The following SYN2 variants were observed in gnomAD, a reference collection of about 807,000 sequenced individuals.
SYN2 encodes the protein synapsin-2.
In SYN2, 19 loss-of-function variants were observed where a neutral mutation model predicts 50.9. The ratio of observed to expected loss-of-function variants is 0.37; its 90% confidence interval spans 0.26 to 0.55. The LOEUF (loss-of-function observed/expected upper bound fraction) is 0.55, where lower values mean the gene tolerates loss of function less well. SYN2 is among the 20% of genes least tolerant of loss of function. The probability of loss-of-function intolerance (pLI) is 0.81; values close to 1 mark genes in which losing one functional copy is unlikely to be tolerated. For synonymous variants in SYN2, 255 were observed against 224.9 expected, an observed-to-expected ratio of 1.13 and a Z score of -1.20; for missense variants, 587 against 576.4, an observed-to-expected ratio of 1.02 and a Z score of -0.19.
chr3:12,069,325 T>G (rs193089971), intron 1 of SYN2, among the ~76,000 whole-genome samples: 2 of 151,940 alleles, frequency 1.3e-5, no homozygotes, highest in East Asian at 3.9e-4. Context: ...CTCAGCTCAC[T>G]GCAACCTCCG....
intron 11 of SYN2, chr3:12,185,600 CGTT>C (rs1235157884): frequency 1.0e-6 from 1 of 985,766 alleles, no homozygotes; most frequent in African/African-American, 1.7e-5. Context: ...TCTTTCCTGA[CGTT>C]GTCCCCTTTT....
At chr3:12,043,649 T>C (rs307582) in intron 1 of SYN2, among the ~76,000 whole-genome samples, 119,873 of 152,048 alleles carry the variant, frequency 0.79, 47,501 homozygotes, top group Middle Eastern at 0.9. Flanking sequence ...ATTTATTATG[T>C]GGCCCTCAGA....
intron 1 of SYN2, among the ~76,000 whole-genome samples, chr3:12,118,519 G>A (rs1423285129): frequency 6.6e-6 from 1 of 152,200 alleles, no homozygotes; most frequent in African/African-American, 2.4e-5. Context: ...CCTGTTTTGT[G>A]ATGAAACAGT....
At chr3:12,073,433 G>A (rs1374482130) in intron 1 of SYN2, among the ~76,000 whole-genome samples, 2 of 152,142 alleles carry the variant, frequency 1.3e-5, no homozygotes, top group Non-Finnish European at 2.9e-5. Context: ...TTTTCCCACT[G>A]CTGGCTTAGG....
At chr3:12,161,988 C>G in intron 6 of SYN2, 24 bp from the exon 7 acceptor site, 1 of 1,613,438 alleles carries the variant, frequency 6.2e-7, no homozygotes, top group South Asian at 1.1e-5. Flanking sequence ...CCCTTTCCCC[C>G]TTTCTGCCCT....
At position 12,141,579 on chromosome 3, in the gene SYN2, C is replaced by T. The variant is rs112626693; in HGVS notation, c.436-326C>T. Among the ~76,000 whole-genome samples the T allele has an allele frequency of 2.1e-4, 32 of 152,328 alleles. 2 individuals carry two copies. Among genetic ancestry groups the T allele is most frequent in the African/African-American group, 6.0e-4 (25 of 41,584 alleles). Reference sequence around the variant, plus strand: ...AGACATTTGTCTCAGTCCACATTCTCGCTCTGTAGAGAGGCAGCACAAAGG... The same window carrying T: ...AGACATTTGTCTCAGTCCACATTCTTGCTCTGTAGAGAGGCAGCACAAAGG... On this transcript the variant is annotated intron_variant, in intron 2 of 12. Coordinates refer to ENST00000621198, the MANE Select transcript of SYN2 (RefSeq NM_133625.6).
intron 1 of SYN2, among the ~76,000 whole-genome samples, chr3:12,039,455 TCTACCTTTGTGCTAGGTAGAGGTCA>T (rs1160480893): frequency 1.3e-5 from 2 of 152,098 alleles, no homozygotes; most frequent in East Asian, 3.9e-4. Context: ...TTGTTTAAAC[TCTACCTTTGTGCTAGGTAGAGGTCA>T]CTTCAGTTTT....
At chr3:12,071,256 G>T in intron 1 of SYN2, 1 of 557,068 alleles carries the variant, frequency 1.8e-6, no homozygotes. Context: ...ACTCTGTGTG[G>T]ATCTGCAGCT....
At chr3:12,017,749 A>G (rs1694054240) in intron 1 of SYN2, among the ~76,000 whole-genome samples, 1 of 152,226 alleles carries the variant, frequency 6.6e-6, no homozygotes, top group Admixed American at 6.5e-5. Context: ...ATGAGTATTT[A>G]TAGGAGCCTT....
intron 5 of SYN2, among the ~76,000 whole-genome samples, chr3:12,160,924 A>G (rs1027789482): frequency 6.6e-6 from 1 of 152,228 alleles, no homozygotes; most frequent in Non-Finnish European, 1.5e-5. Flanking sequence ...CTCTGCATTT[A>G]TAAACATACT....
intron 1 of SYN2, among the ~76,000 whole-genome samples, chr3:12,025,417 C>T (rs1342067357): frequency 2.6e-5 from 4 of 152,140 alleles, no homozygotes; most frequent in Non-Finnish European, 5.9e-5. Context: ...TTATTGAATG[C>T]CTGCTGTGTA....
At chr3:12,173,963 C>A (rs965316553) in intron 10 of SYN2, among the ~76,000 whole-genome samples, 21 of 152,170 alleles carry the variant, frequency 1.4e-4, no homozygotes, top group African/African-American at 4.8e-4. Flanking sequence ...TTGTTCTTAT[C>A]TTACAGACTT....
intron 1 of SYN2, among the ~76,000 whole-genome samples, chr3:12,067,594 C>G (rs1204804532): frequency 2.0e-5 from 3 of 149,924 alleles, no homozygotes; most frequent in Admixed American, 6.7e-5. Context: ...ATTACAAGCT[C>G]CAGACTCTCT....
At chr3:12,043,599 GT>G (rs1379998741) in intron 1 of SYN2, among the ~76,000 whole-genome samples, 6 of 152,092 alleles carry the variant, frequency 3.9e-5, no homozygotes, top group Non-Finnish European at 8.8e-5. Context: ...CTGTCATTTT[GT>G]TTTCAGCTGT....
chr3:12,041,500 A>C (rs1396520133), intron 1 of SYN2, among the ~76,000 whole-genome samples: 1 of 152,078 alleles, frequency 6.6e-6, no homozygotes, highest in Non-Finnish European at 1.5e-5. Flanking sequence ...CACAGGAAAA[A>C]ACCCTAAGAT....
intron 1 of SYN2, among the ~76,000 whole-genome samples, chr3:12,042,893 G>A (rs921776402): frequency 2.0e-5 from 3 of 152,180 alleles, no homozygotes; most frequent in African/African-American, 7.2e-5. Context: ...GGCTGGAAGA[G>A]GCAAGGATTG....
chr3:12,021,880 C>T (rs556483743), intron 1 of SYN2, among the ~76,000 whole-genome samples: 6 of 152,140 alleles, frequency 3.9e-5, no homozygotes, highest in East Asian at 3.9e-4. Context: ...GCCTGGCCAG[C>T]GTAACGAAAC....
rs115405622 is a variant in SYN2, at chr3:12,119,445, C to T, written c.378-21206C>T. 5.4e-3 allele frequency among the ~76,000 whole-genome samples: 817 copies of T among 152,242 alleles called. 11 individuals are homozygous for T. Among genetic ancestry groups the T allele is most frequent in the African/African-American group, 0.019 (774 of 41,538 alleles). The stretch of plus-strand genomic sequence containing the variant: ...CGTAGCAACCTAACACAGCTTTTGG[C>T]CCCTAGTAGAAATTTGTTAAATTGT... On this transcript the variant is annotated intron_variant, in intron 1 of 12. Transcript: ENST00000621198.
intron 1 of SYN2, among the ~76,000 whole-genome samples, chr3:12,098,760 C>T (rs1696001070): frequency 6.6e-6 from 1 of 150,490 alleles, no homozygotes; most frequent in Non-Finnish European, 1.5e-5. Context: ...AACAGAATGA[C>T]AGAATGTATT....
Sources: allele counts gnomAD v4.1 joint callset (sites outside exome capture counted in the v4.1 genomes callset), GRCh38; gene constraint gnomAD v4.1.1; transcripts MANE v1.5; gene names NCBI Gene and HGNC (gene_info 2026-07-23, HGNC 2026-07-21).